Variants in AKAP6 observed in about 807,000 individuals in gnomAD.
AKAP6 encodes A-kinase anchor protein 6.
Under a neutral mutation model 188.5 loss-of-function variants are expected in AKAP6, and 58 were observed. The observed-to-expected ratio is 0.31, with a 90% CI of 0.25 to 0.38. The LOEUF (loss-of-function observed/expected upper bound fraction) is 0.38. Ranked by LOEUF, AKAP6 falls within the 10% of genes least tolerant of loss-of-function variation. The probability of loss-of-function intolerance (pLI) is 1.00; values close to 1 mark genes in which losing one functional copy is unlikely to be tolerated. For missense variants in AKAP6, 2,710 were observed against 2,740.0 expected (o/e 0.99, Z 0.24); for synonymous variants, 989 against 998.6 (o/e 0.99, Z 0.18).
At chr14:32,521,310 C>A (rs1881817651) in intron 2 of AKAP6, among the ~76,000 whole-genome samples, 1 of 152,028 alleles carries the variant, frequency 6.6e-6, no homozygotes, top group Admixed American at 6.6e-5. Context: ...CACTCCTATT[C>A]AACATAGTGT....
At chr14:32,544,759 T>A (rs1883114308) in intron 3 of AKAP6, among the ~76,000 whole-genome samples, 1 of 152,236 alleles carries the variant, frequency 6.6e-6, no homozygotes, top group Non-Finnish European at 1.5e-5. Flanking sequence ...TAATTAATTA[T>A]TCTACTTAAA....
intron 4 of AKAP6, among the ~76,000 whole-genome samples, chr14:32,560,409 T>C (rs988445647): frequency 6.6e-6 from 1 of 151,368 alleles, no homozygotes; most frequent in Admixed American, 6.6e-5. Context: ...TTGGTTTCTG[T>C]AGAGCTTTCA....
At chr14:32,689,102 A>C (rs1890054433) in intron 8 of AKAP6, among the ~76,000 whole-genome samples, 1 of 152,132 alleles carries the variant, frequency 6.6e-6, no homozygotes, top group Non-Finnish European at 1.5e-5. Flanking sequence ...TTTGAAGTAC[A>C]TTTTTCCATT....
chr14:32,343,003 A>G (rs1886938644), intron 1 of AKAP6, among the ~76,000 whole-genome samples: 1 of 152,208 alleles, frequency 6.6e-6, no homozygotes, highest in Admixed American at 6.5e-5. Flanking sequence ...AATGTTCACA[A>G]TAGAACAAAA....
chr14:32,638,410 C>T (rs1241518784), intron 7 of AKAP6, among the ~76,000 whole-genome samples: 1 of 152,066 alleles, frequency 6.6e-6, no homozygotes, highest in Admixed American at 6.6e-5. Flanking sequence ...TTCTTTTTCT[C>T]TTCTGCTTCC....
chr14:32,667,537 T>C (rs1275004974), intron 7 of AKAP6, among the ~76,000 whole-genome samples: 2 of 152,044 alleles, frequency 1.3e-5, no homozygotes, highest in African/African-American at 4.8e-5. Context: ...AAGAAGTAAA[T>C]ATTCATCAAA....
rs1272242389 is a variant in AKAP6 at position 32,736,328 on chromosome 14, CA to C, written c.3372+448del. 2.6e-5 allele frequency among the ~76,000 whole-genome samples: 4 copies of C among 152,188 alleles called. No homozygotes were observed. In the East Asian group the frequency reaches 7.8e-4, roughly 30 times the overall value. On this transcript the variant is annotated intron_variant, in intron 11 of 13. Transcript: ENST00000280979. Reference sequence around the variant, plus strand: ...ACATAATTTTTACATATGAAAGAGTCAACTATTTATGGAGGGAAGAAATAAT... The same window carrying C: ...ACATAATTTTTACATATGAAAGAGTCACTATTTATGGAGGGAAGAAATAAT...
intron 2 of AKAP6, among the ~76,000 whole-genome samples, chr14:32,451,348 AT>A (rs1268754572): frequency 9.2e-5 from 14 of 152,204 alleles, no homozygotes; most frequent in Middle Eastern, 6.8e-3. Context: ...TCCAGTTCCC[AT>A]TTTCTGCTTC....
At chr14:32,766,205 G>A (rs1159403410) in intron 11 of AKAP6, among the ~76,000 whole-genome samples, 1 of 152,054 alleles carries the variant, frequency 6.6e-6, no homozygotes, top group Admixed American at 6.6e-5. Context: ...ATTTTTAAAT[G>A]CCAAATAATA....
intron 9 of AKAP6, among the ~76,000 whole-genome samples, chr14:32,721,459 A>G (rs1472208208): frequency 2.6e-5 from 4 of 152,224 alleles, no homozygotes; most frequent in Non-Finnish European, 5.9e-5. Context: ...GAACCTAACC[A>G]CATAAATTCT....
At chr14:32,543,078 T>C (rs72667939) in intron 3 of AKAP6, among the ~76,000 whole-genome samples, 8,972 of 152,294 alleles carry the variant, frequency 0.059, 337 homozygotes, top group Middle Eastern at 0.13. Context: ...TTCTAGCTAT[T>C]TGAAAATGTA....
intron 9 of AKAP6, among the ~76,000 whole-genome samples, chr14:32,716,482 C>CT (rs1231399009): frequency 6.6e-6 from 1 of 150,520 alleles, no homozygotes; most frequent in Non-Finnish European, 1.5e-5. Flanking sequence ...ATAGTATACA[C>CT]TATGTATTTA....
chr14:32,553,970 C>T (rs928075775), intron 4 of AKAP6, among the ~76,000 whole-genome samples: 10 of 151,994 alleles, frequency 6.6e-5, no homozygotes, highest in African/African-American at 2.2e-4. Context: ...ACATTTGTTC[C>T]GATACATTCA....
At chr14:32,513,345 C>A (rs944116449) in intron 2 of AKAP6, among the ~76,000 whole-genome samples, 1 of 152,100 alleles carries the variant, frequency 6.6e-6, no homozygotes, top group African/African-American at 2.4e-5. Context: ...TTCTGCTAAA[C>A]TTAAGGAAAA....
chr14:32,461,529 A>T (rs112456390), intron 2 of AKAP6, among the ~76,000 whole-genome samples: 2,032 of 152,288 alleles, frequency 0.013, 48 homozygotes, highest in African/African-American at 0.046. Flanking sequence ...CAACAACAAC[A>T]TCAACATCAA....
intron 7 of AKAP6, among the ~76,000 whole-genome samples, chr14:32,668,553 C>T (rs1889046634): frequency 1.3e-5 from 2 of 152,172 alleles, no homozygotes; most frequent in African/African-American, 2.4e-5. Context: ...ATTTCCTAAA[C>T]ATTATAGTGA....
intron 9 of AKAP6, among the ~76,000 whole-genome samples, chr14:32,715,297 TAAAAGG>T (rs2030131858): frequency 6.6e-6 from 1 of 151,982 alleles, no homozygotes; most frequent in South Asian, 2.1e-4. Context: ...TACTTTTACT[TAAAAGG>T]AATAAGGAAT....
intron 2 of AKAP6, among the ~76,000 whole-genome samples, chr14:32,453,481 G>C (rs778121131): frequency 6.6e-6 from 1 of 150,978 alleles, no homozygotes; most frequent in Non-Finnish European, 1.5e-5. Flanking sequence ...TAAAATCAAT[G>C]CCTGTATAGG....
chr14:32,369,831 G>A (rs1887951512), intron 1 of AKAP6, among the ~76,000 whole-genome samples: 1 of 152,178 alleles, frequency 6.6e-6, no homozygotes, highest in Non-Finnish European at 1.5e-5. Context: ...AGGAGTTTGA[G>A]ACCAGCCTGG....
Sources: gnomAD v4.1 joint callset for allele counts (sites outside exome capture counted in the v4.1 genomes callset) on GRCh38, gnomAD v4.1.1 for gene constraint, MANE v1.5 for transcripts, NCBI Gene and HGNC (gene_info 2026-07-23, HGNC 2026-07-21) for gene names.